The following CYP2J2 variants were observed in gnomAD, a reference collection of about 807,000 sequenced individuals.
CYP2J2 encodes cytochrome P450 2J2.
Under a neutral mutation model 48.8 loss-of-function variants are expected in CYP2J2, and 41 were observed. That is an observed-to-expected ratio of 0.84 (90% CI 0.66 to 1.09). CYP2J2 has a LOEUF of 1.09. Ranked by LOEUF, CYP2J2 falls within the 50% of genes least tolerant of loss-of-function variation. The probability of loss-of-function intolerance (pLI) is 0.00; values close to 1 mark genes in which losing one functional copy is unlikely to be tolerated. For missense variants in CYP2J2, 644 were observed against 617.3 expected (o/e 1.04, Z -0.46); for synonymous variants, 221 against 227.1 (o/e 0.97, Z 0.24).
At chr1:59,943,102 G>A in the CYP2J2 span, among the ~76,000 whole-genome samples, 1 of 152,174 alleles carries the variant, frequency 6.6e-6, no homozygotes, top group African/African-American at 2.4e-5. Flanking sequence ...TAAATTTGAT[G>A]TATTTATTAG....
At chr1:59,955,657 C>T in the CYP2J2 span, among the ~76,000 whole-genome samples, 1 of 152,022 alleles carries the variant, frequency 6.6e-6, no homozygotes, top group Non-Finnish European at 1.5e-5. Context: ...GATTTTGGTA[C>T]CCAGACAACA....
intron 1 of CYP2J2, among the ~76,000 whole-genome samples, chr1:59,921,154 A>C (rs571617424): frequency 6.6e-6 from 1 of 152,322 alleles, no homozygotes; most frequent in Non-Finnish European, 1.5e-5. Flanking sequence ...TAAGCACTTA[A>C]TAAATGTCTG....
chr1:59,895,502 T>C (rs1644261135), intron 8 of CYP2J2, among the ~76,000 whole-genome samples: 1 of 152,230 alleles, frequency 6.6e-6, no homozygotes, highest in Admixed American at 6.5e-5. Flanking sequence ...AGGTGGTGTC[T>C]ACCAAGTTCT....
the CYP2J2 span, among the ~76,000 whole-genome samples, chr1:59,968,427 C>T: frequency 1.3e-5 from 2 of 152,138 alleles, no homozygotes; most frequent in Non-Finnish European, 2.9e-5. Flanking sequence ...GTACCTGGAC[C>T]CTCATGGCTG....
At chr1:59,940,389 G>A in the CYP2J2 span, among the ~76,000 whole-genome samples, 2 of 152,140 alleles carry the variant, frequency 1.3e-5, no homozygotes, top group Admixed American at 6.5e-5. Context: ...CTGGAAAGGC[G>A]GTCTCATGAC....
intron 2 of CYP2J2, 82 bp downstream of exon 2, chr1:59,915,856 A>C (rs912901377): frequency 2.2e-5 from 30 of 1,365,820 alleles, no homozygotes; most frequent in Non-Finnish European, 2.9e-5. Context: ...AGTGTTGGAA[A>C]ATTACAGTCA....
intron 1 of CYP2J2, among the ~76,000 whole-genome samples, chr1:59,923,692 T>C (rs1016733286): frequency 6.6e-6 from 1 of 152,104 alleles, no homozygotes; most frequent in Admixed American, 6.5e-5. Flanking sequence ...AATAGCAGAA[T>C]GGTAATGATA....
intron 4 of CYP2J2, among the ~76,000 whole-genome samples, chr1:59,910,463 C>A (rs1380022659): frequency 6.9e-6 from 1 of 144,094 alleles, no homozygotes; most frequent in Non-Finnish European, 1.5e-5. Context: ...TTAGAGCTCA[C>A]TGATGAGTAT....
At chr1:59,953,533 C>T in the CYP2J2 span, among the ~76,000 whole-genome samples, 27 of 151,204 alleles carry the variant, frequency 1.8e-4, no homozygotes, top group African/African-American at 6.6e-4. Context: ...TGTATGTGTG[C>T]GTGCTTATAG....
chr1:59,936,086 C>T, the CYP2J2 span, among the ~76,000 whole-genome samples: 2 of 152,190 alleles, frequency 1.3e-5, no homozygotes, highest in East Asian at 3.8e-4. Context: ...CTCTCTTACA[C>T]TTGAGATGTG....
Position 59,901,003 on chromosome 1 carries a change from T to A in CYP2J2, c.1292A>T (p.Gln431Leu). The A allele has an allele frequency of 6.2e-7, 1 of 1,614,196 alleles. No individual in the cohort carries two copies. The highest frequency in any genetic ancestry group is 8.5e-7 in the Non-Finnish European group (1 of 1,180,002). The change falls in exon 8 of 9, where the codon CAG (glutamine) becomes CTG (leucine). Residue 431 changes from glutamine to leucine, a missense_variant. Physicochemically the swap from Gln to Leu is moderately radical, Grantham distance 113. Transcript: ENST00000371204. ...FNPDHFLENG[Q>L]FKKREAFMPF... Reference sequence around the variant, plus strand: ...CATAAAGGCTTCCCTTTTCTTAAACTGTCCATTCTCCAGAAAATGGTCCGG... The same window carrying A: ...CATAAAGGCTTCCCTTTTCTTAAACAGTCCATTCTCCAGAAAATGGTCCGG...
intron 4 of CYP2J2, 60 bp downstream of exon 4, chr1:59,911,548 T>A (rs1644413895): frequency 1.6e-6 from 2 of 1,259,786 alleles, no homozygotes; most frequent in Non-Finnish European, 2.1e-6. Flanking sequence ...GAAAAACCCA[T>A]CTGTGGCTGA....
At chr1:59,922,603 ATTTAACCCCTCT>A (rs564812350) in intron 1 of CYP2J2, among the ~76,000 whole-genome samples, 99 of 152,332 alleles carry the variant, frequency 6.5e-4, no homozygotes, top group African/African-American at 2.3e-3. Context: ...TAGGCAAGTC[ATTTAACCCCTCT>A]TTTAACACCT....
chr1:59,935,027 T>TATATATATATATATACAC, the CYP2J2 span, among the ~76,000 whole-genome samples: 1 of 100,148 alleles, frequency 1.0e-5, no homozygotes, highest in Non-Finnish European at 2.1e-5. Context: ...TATATATATA[T>TATATATATATATATACAC]ATATATATAT....
chr1:59,962,363 T>C, the CYP2J2 span, among the ~76,000 whole-genome samples: 1 of 152,188 alleles, frequency 6.6e-6, no homozygotes, highest in Non-Finnish European at 1.5e-5. Flanking sequence ...GGCAGCCATG[T>C]AGCCAGCCTG....
At chr1:59,901,193 G>A (rs755762282) in intron 7 of CYP2J2, 90 bp from the exon 8 acceptor site, 42 of 1,441,962 alleles carry the variant, frequency 2.9e-5, no homozygotes, top group Non-Finnish European at 3.8e-5. Context: ...CTTCCTTGCC[G>A]GGGGCCTGAA....
intron 7 of CYP2J2, among the ~76,000 whole-genome samples, chr1:59,901,345 G>C (rs1378378915): frequency 6.6e-6 from 1 of 152,144 alleles, no homozygotes; most frequent in Non-Finnish European, 1.5e-5. Context: ...GGCTACTCTT[G>C]ACTGCAGGAT....
chr1:59,960,393 G>A, the CYP2J2 span, among the ~76,000 whole-genome samples: 2 of 152,202 alleles, frequency 1.3e-5, no homozygotes, highest in East Asian at 1.9e-4. Context: ...CTGCAGGAAA[G>A]TGTTAATTCC....
At chr1:59,906,046 C>T (rs1000681399) in intron 6 of CYP2J2, among the ~76,000 whole-genome samples, 5 of 152,062 alleles carry the variant, frequency 3.3e-5, no homozygotes, top group African/African-American at 4.8e-5. Flanking sequence ...ATTAGCCGGG[C>T]GTGGTGGCGG....
Sources: gnomAD v4.1 joint callset for allele counts (sites outside exome capture counted in the v4.1 genomes callset) on GRCh38, gnomAD v4.1.1 for gene constraint, MANE v1.5 for transcripts, NCBI Gene and HGNC (gene_info 2026-07-23, HGNC 2026-07-21) for gene names.